Variants in PADI6 observed in about 807,000 individuals in gnomAD.
The protein encoded by PADI6 is inactive protein-arginine deiminase type-6.
In PADI6, 66 loss-of-function variants were observed where a neutral mutation model predicts 78.2. The observed-to-expected ratio is 0.84, with a 90% CI of 0.69 to 1.04. PADI6 has a LOEUF of 1.04. PADI6 is among the 50% of genes least tolerant of loss of function. The pLI is 0.00. For synonymous variants in PADI6, 397 were observed against 346.9 expected (o/e 1.14, Z -1.60); for missense variants, 854 against 866.1 (o/e 0.99, Z 0.18).
chr1:17,385,844 C>T (rs185076466), intron 6 of PADI6, among the ~76,000 whole-genome samples: 11 of 152,224 alleles, frequency 7.2e-5, no homozygotes, highest in African/African-American at 2.6e-4. Context: ...AGTGAAGAAC[C>T]AAGAAGGGTA....
intron 14 of PADI6, 110 bp from the exon 15 acceptor site, chr1:17,398,576 A>C: frequency 1.5e-6 from 1 of 654,954 alleles, no homozygotes; most frequent in Non-Finnish European, 2.7e-6. Flanking sequence ...TGGGGATGGT[A>C]GTGGTGTCAG....
intron 13 of PADI6, 59 bp downstream of exon 13, chr1:17,395,722 T>C: frequency 6.4e-7 from 1 of 1,557,254 alleles, no homozygotes; most frequent in African/African-American, 1.4e-5. Flanking sequence ...CAGGGGTCCT[T>C]TCTACATAGC....
chr1:17,398,579 G>GGT, intron 14 of PADI6, 107 bp from the exon 15 acceptor site: 1 of 674,554 alleles, frequency 1.5e-6, no homozygotes, highest in Non-Finnish European at 2.6e-6. Flanking sequence ...GGATGGTAGT[G>GGT]GTGTCAGGCC....
chr1:17,395,663 G>A lies in PADI6; in HGVS notation c.1618G>A (p.Gly540Arg), dbSNP rs1057517684. 1.2e-6 allele frequency: 2 copies of A among 1,610,928 alleles called. No homozygotes were observed. The highest frequency in any genetic ancestry group is 2.2e-5 in the East Asian group (1 of 44,824). The change falls in exon 13 of 16, where the codon GGA becomes AGA. Residue 540 changes from glycine to arginine, a missense_variant and splice_region_variant. Transcript: ENST00000619609. ...ELRADQLLSN[G>R]REAKTIDQLL... Reference sequence around the variant, plus strand: ...TAGAGCAGATCAGCTCCTGTCTAATGGTAAGGGAACTCCCTTTCCACAGAA... The same window carrying A: ...TAGAGCAGATCAGCTCCTGTCTAATAGTAAGGGAACTCCCTTTCCACAGAA...
At position 17,401,316 on chromosome 1, in the gene PADI6, G is replaced by C. The variant is rs762857947; in HGVS notation, c.1963G>C (p.Gly655Arg). The C allele has an allele frequency of 2.4e-5, 38 of 1,614,078 alleles. No individual in the cohort carries two copies. Among genetic ancestry groups the C allele is most frequent in the Non-Finnish European group, 3.1e-5 (36 of 1,179,916 alleles). Reference protein sequence around the residue: ...EKICCLLEPLGFKCTFINDFD... With the variant: ...EKICCLLEPLRFKCTFINDFD... ...GATTTGCTGCTTGCTGGAGCCCCTG[G>C]GCTTCAAGTGCACCTTCATCAATGA... is the stretch of plus-strand genomic sequence containing the variant. Residue 655 changes from glycine to arginine, a missense_variant, in exon 16 of 16, where the codon GGC becomes CGC. Coordinates refer to ENST00000619609, the MANE Select transcript of PADI6 (RefSeq NM_207421.4).
intron 8 of PADI6, among the ~76,000 whole-genome samples, chr1:17,390,282 CAA>C (rs768391463): frequency 5.3e-5 from 8 of 151,650 alleles, no homozygotes; most frequent in African/African-American, 7.3e-5. Context: ...GCCTGGGAAA[CAA>C]GAGCGAAACT....
intron 15 of PADI6, among the ~76,000 whole-genome samples, chr1:17,400,199 A>T (rs2075287170): frequency 9.3e-6 from 1 of 107,696 alleles, no homozygotes. Context: ...CTTGTCTGAT[A>T]AACCAAACCA....
chr1:17,388,382 A>G lies in PADI6; in HGVS notation c.681A>G (p.Lys227=). The G allele has an allele frequency of 6.2e-7, 1 of 1,609,308 alleles. No individual in the cohort carries two copies. Among genetic ancestry groups the G allele is most frequent in the Non-Finnish European group, 8.5e-7 (1 of 1,177,718 alleles). ...SKKARVYWPQ[K]DNSSTFELVL... ...GTCCATCCCTTCTTTCTCTCCTAGA[A>G]GACAACTCCAGTACCTTTGAGTTGG... The change falls in exon 7 of 16, where the codon AAA becomes AAG. Residue 227 remains lysine (K), a splice_region_variant and synonymous_variant. Transcript: ENST00000619609.
intron 6 of PADI6, among the ~76,000 whole-genome samples, chr1:17,387,451 G>T (rs1418407788): frequency 7.3e-6 from 1 of 136,878 alleles, no homozygotes; most frequent in Non-Finnish European, 1.6e-5. Context: ...CCTCAAAAAA[G>T]AAAAGGAGGG....
At chr1:17,380,959 G>A in intron 4 of PADI6, 88 bp from the exon 5 acceptor site, 2 of 1,110,462 alleles carry the variant, frequency 1.8e-6, no homozygotes, top group Non-Finnish European at 2.6e-6. Context: ...AGAAAGGCTT[G>A]GCTGGGCCCC....
At chr1:17,398,201 C>G (rs1011709310) in intron 14 of PADI6, among the ~76,000 whole-genome samples, 1 of 152,180 alleles carries the variant, frequency 6.6e-6, no homozygotes. Context: ...TGCATGGGTA[C>G]CCTGTTTTGC....
intron 3 of PADI6, among the ~76,000 whole-genome samples, chr1:17,378,991 C>T (rs2075045418): frequency 6.6e-6 from 1 of 151,536 alleles, no homozygotes; most frequent in African/African-American, 2.4e-5. Context: ...GTCACCCAGG[C>T]TAGAGTGCAG....
rs1256606798 is a variant in PADI6, at chr1:17,388,411, T to TG, written c.714dup (p.Pro239AlafsTer22). 4 of 1,613,542 alleles carry TG rather than the reference T, an allele frequency of 2.5e-6. No homozygotes were observed. The highest frequency in any genetic ancestry group is 3.4e-6 in the Non-Finnish European group (4 of 1,179,710). On this transcript the variant is annotated frameshift_variant, in exon 7 of 16. Transcript: ENST00000619609. LOFTEE classifies it high-confidence loss of function. ...AACTCCAGTACCTTTGAGTTGGTGC[T>TG]GGGGCCCGACCAGCACGCCTATACC...
In PADI6 at chr1:17,395,078, C is replaced by A. The variant is rs1369923517; in HGVS notation, c.1465C>A (p.Pro489Thr). The change falls in exon 12 of 16, where the codon CCC becomes ACC. Residue 489 changes from proline (P) to threonine (T), a missense_variant. Transcript: ENST00000619609. The stretch of plus-strand genomic sequence containing the variant: ...CGTGGATGAGTTCATGTGCTTCATC[C>A]CCACAGATGACAAGAATGAGGGCAA... ...GHVDEFMCFI[P>T]TDDKNEGKKG... 1 of 1,613,958 alleles carries A rather than the reference C, an allele frequency of 6.2e-7. No individual in the cohort carries two copies. Among genetic ancestry groups the A allele is most frequent in the Non-Finnish European group, 8.5e-7 (1 of 1,179,888 alleles).
intron 6 of PADI6, among the ~76,000 whole-genome samples, chr1:17,385,440 G>C (rs1452218738): frequency 6.6e-6 from 1 of 152,176 alleles, no homozygotes; most frequent in Admixed American, 6.5e-5. Context: ...TGAGGATGGA[G>C]GGTGGGGATC....
chr1:17,395,172 T>C, intron 12 of PADI6, 65 bp downstream of exon 12: 2 of 1,537,170 alleles, frequency 1.3e-6, no homozygotes, highest in African/African-American at 2.8e-5. Context: ...TCTTGGAAGA[T>C]TCTGGAGAGA....
At chr1:17,384,569 C>T (rs185276540) in intron 6 of PADI6, among the ~76,000 whole-genome samples, 44 of 152,258 alleles carry the variant, frequency 2.9e-4, no homozygotes, top group African/African-American at 9.6e-4. Context: ...TGGTTAAAAC[C>T]ATCTGCTAAA....
chr1:17,393,143 CAAAA>C (rs2075205742), intron 9 of PADI6, among the ~76,000 whole-genome samples: 4 of 150,576 alleles, frequency 2.7e-5, no homozygotes, highest in Non-Finnish European at 5.9e-5. Context: ...GAGACTGTCT[CAAAA>C]GAAAAAAAAA....
chr1:17,381,215 T>A, intron 5 of PADI6, 51 bp downstream of exon 5: 1 of 1,447,388 alleles, frequency 6.9e-7, no homozygotes, highest in Non-Finnish European at 9.4e-7. Flanking sequence ...TTTGCTGCCC[T>A]GCTTCTCAGC....
Sources: allele counts gnomAD v4.1 joint callset (sites outside exome capture counted in the v4.1 genomes callset), GRCh38; gene constraint gnomAD v4.1.1; transcripts MANE v1.5; gene names NCBI Gene and HGNC (gene_info 2026-07-23, HGNC 2026-07-21).